The following ATG7 variants were observed in gnomAD, a reference collection of about 807,000 sequenced individuals.
ATG7 encodes the protein autophagy related 7, also known as ubiquitin-like modifier-activating enzyme ATG7.
In ATG7, 70 loss-of-function variants were observed where a neutral mutation model predicts 82.4. The observed-to-expected ratio is 0.85, with a 90% CI of 0.70 to 1.04. The LOEUF is 1.04. Ranked by LOEUF, ATG7 falls within the 50% of genes least tolerant of loss-of-function variation. The probability of loss-of-function intolerance (pLI) is 0.00; values close to 1 mark genes in which losing one functional copy is unlikely to be tolerated. For missense variants in ATG7, 792 were observed against 864.3 expected, an observed-to-expected ratio of 0.92 and a Z score of 1.05; for synonymous variants, 287 against 313.0, an observed-to-expected ratio of 0.92 and a Z score of 0.88.
chr3:11,322,589 T>C (rs1263980204), intron 9 of ATG7, among the ~76,000 whole-genome samples: 1 of 152,244 alleles, frequency 6.6e-6, no homozygotes, highest in Non-Finnish European at 1.5e-5. Context: ...TGTTTTATTG[T>C]AGCATTTTAG....
intron 20 of ATG7, among the ~76,000 whole-genome samples, chr3:11,453,755 G>A (rs887942195): frequency 2.0e-5 from 3 of 152,060 alleles, no homozygotes; most frequent in Admixed American, 1.3e-4. Flanking sequence ...GCGTCTGCCT[G>A]CATCCACACA....
intron 20 of ATG7, among the ~76,000 whole-genome samples, chr3:11,540,374 C>G (rs1302743035): frequency 2.0e-5 from 3 of 152,142 alleles, no homozygotes; most frequent in Admixed American, 2.0e-4. Flanking sequence ...TTATGTGACC[C>G]TTCTTTCAAA....
intron 20 of ATG7, among the ~76,000 whole-genome samples, chr3:11,495,767 TGTG>T (rs2090780239): frequency 6.6e-6 from 1 of 152,246 alleles, no homozygotes; most frequent in African/African-American, 2.4e-5. Context: ...GTTTCATAAA[TGTG>T]GTTCTAGAGA....
intron 20 of ATG7, among the ~76,000 whole-genome samples, chr3:11,475,682 T>C (rs2088081709): frequency 6.6e-6 from 1 of 152,180 alleles, no homozygotes; most frequent in Non-Finnish European, 1.5e-5. Context: ...AATTTGTTGA[T>C]ACTGTTAACT....
At chr3:11,352,435 G>C (rs576606211) in intron 14 of ATG7, among the ~76,000 whole-genome samples, 8 of 152,272 alleles carry the variant, frequency 5.3e-5, no homozygotes, top group African/African-American at 1.7e-4. Flanking sequence ...ACACTGTCTT[G>C]CACAATGGTT....
At chr3:11,317,656 G>A (rs1236884192) in intron 9 of ATG7, among the ~76,000 whole-genome samples, 5 of 143,832 alleles carry the variant, frequency 3.5e-5, no homozygotes, top group Non-Finnish European at 3.0e-5. Flanking sequence ...ACAGTGGCAC[G>A]ATCTCGGCTC....
rs77051956 is a variant in ATG7, at chr3:11,413,098, A to G, written c.1957-13706A>G. Among the ~76,000 whole-genome samples, 234 of 152,280 alleles carry G rather than the reference A, an allele frequency of 1.5e-3. 1 individual carries two copies. The highest frequency in any genetic ancestry group is 5.5e-3 in the African/African-American group (228 of 41,564). On this transcript the variant is annotated intron_variant, in intron 19 of 20. Transcript: ENST00000693202. ...TGTAGGGTTTTGTACATGTAAAATC[A>G]TATCATTTGCAAGCAGAAATCGTTT...
At chr3:11,511,964 C>T (rs141973805) in intron 20 of ATG7, among the ~76,000 whole-genome samples, 8,160 of 152,250 alleles carry the variant, frequency 0.054, 314 homozygotes, top group African/African-American at 0.11. Flanking sequence ...CCCTGGTTCC[C>T]GCTCGTGCCT....
In ATG7 at chr3:11,306,950, C is replaced by G; in HGVS notation, c.223C>G (p.Pro75Ala). The change falls in exon 6 of 21, where the codon CCC (proline) becomes GCC (alanine). Residue 75 changes from proline to alanine, a missense_variant. Coordinates refer to ENST00000693202, the MANE Select transcript of ATG7 (RefSeq NM_001349232.2). ...TGTTTCTCTTGTATCTAGGAGTGCT[C>G]CCACCCCAGCCCGTTGCTGCCCAGC... ...LEFSAFDMSA[P>A]TPARCCPAIG... is the part of the protein sequence containing the mutation. The G allele has an allele frequency of 1.2e-6, 2 of 1,613,734 alleles. No homozygotes were observed. The highest frequency in any genetic ancestry group is 1.7e-6 in the Non-Finnish European group (2 of 1,179,766).
chr3:11,541,112 G>A (rs957580085), intron 20 of ATG7, among the ~76,000 whole-genome samples: 6 of 152,142 alleles, frequency 3.9e-5, no homozygotes, highest in East Asian at 1.9e-4. Flanking sequence ...ATGTTAGCCA[G>A]GATGGTCTCG....
intron 20 of ATG7, among the ~76,000 whole-genome samples, chr3:11,491,322 T>C (rs965238025): frequency 7.2e-5 from 11 of 152,230 alleles, no homozygotes; most frequent in Non-Finnish European, 1.6e-4. Context: ...TTCAGCTCCA[T>C]CAGCTCCTTT....
chr3:11,444,355 C>T (rs1210390990), intron 20 of ATG7, among the ~76,000 whole-genome samples: 1 of 152,064 alleles, frequency 6.6e-6, no homozygotes, highest in Non-Finnish European at 1.5e-5. Flanking sequence ...AATTTAATGC[C>T]AACAGTTTAG....
chr3:11,313,224 T>C (rs1214413130), intron 7 of ATG7, 80 bp from the exon 8 acceptor site: 20 of 902,538 alleles, frequency 2.2e-5, no homozygotes, highest in Non-Finnish European at 3.3e-5. Context: ...TAATTGGCCT[T>C]GAGAAGCTAC....
intron 20 of ATG7, among the ~76,000 whole-genome samples, chr3:11,540,456 T>C (rs2070720801): frequency 6.8e-6 from 1 of 146,768 alleles, no homozygotes; most frequent in Non-Finnish European, 1.5e-5. Context: ...CTGAGCAACA[T>C]GGCAAGACCC....
chr3:11,560,890 A>G (rs919664571), downstream of ATG7, among the ~76,000 whole-genome samples: 2 of 152,002 alleles, frequency 1.3e-5, no homozygotes, highest in African/African-American at 4.8e-5. Flanking sequence ...CGGGTGAGAG[A>G]CTTCACAATG....
intron 20 of ATG7, among the ~76,000 whole-genome samples, chr3:11,467,564 C>T (rs2086964338): frequency 6.6e-6 from 1 of 152,036 alleles, no homozygotes; most frequent in African/African-American, 2.4e-5. Context: ...TTAGTAGAGG[C>T]GGGGTTTCAC....
At chr3:11,427,254 T>C (rs1023067155) in intron 20 of ATG7, among the ~76,000 whole-genome samples, 17 of 152,196 alleles carry the variant, frequency 1.1e-4, no homozygotes, top group Admixed American at 9.2e-4. Context: ...AATGTCCATA[T>C]ATCAAAATGT....
At chr3:11,469,378 G>T (rs2087169595) in intron 20 of ATG7, among the ~76,000 whole-genome samples, 1 of 152,092 alleles carries the variant, frequency 6.6e-6, no homozygotes, top group Non-Finnish European at 1.5e-5. Flanking sequence ...GAACCCGGGA[G>T]GTGGAGGTTG....
intron 20 of ATG7, among the ~76,000 whole-genome samples, chr3:11,466,911 C>T (rs1203021056): frequency 6.6e-6 from 1 of 152,132 alleles, no homozygotes; most frequent in Admixed American, 6.6e-5. Flanking sequence ...GGGCAGATCA[C>T]CTGAGGTCAG....
Sources: allele counts gnomAD v4.1 joint callset (sites outside exome capture counted in the v4.1 genomes callset), GRCh38; gene constraint gnomAD v4.1.1; transcripts MANE v1.5; gene names NCBI Gene and HGNC (gene_info 2026-07-23, HGNC 2026-07-21).